SCAF8: variants seen among roughly 807,000 people sequenced by gnomAD.
SCAF8 encodes SR-related and CTD-associated factor 8.
In SCAF8, 23 loss-of-function variants were observed where a neutral mutation model predicts 140.5. That is an observed-to-expected ratio of 0.16 (90% CI 0.12 to 0.23). The LOEUF (loss-of-function observed/expected upper bound fraction) is 0.23, where lower values mean the gene tolerates loss of function less well. Among genes scored for constraint, SCAF8 ranks in the 10% least tolerant of loss-of-function variants. The pLI, the probability that SCAF8 is intolerant of heterozygous loss-of-function variation, is 1.00. For missense variants in SCAF8, 1,397 were observed against 1,555.7 expected (o/e 0.90, Z 1.72); for synonymous variants, 575 against 528.9 (o/e 1.09, Z -1.20).
At position 154,826,913 on chromosome 6, in the gene SCAF8, T is replaced by C. The variant is rs939055909; in HGVS notation, c.2072-259T>C. ...ATTAATTTTTGATTTTACAGCACCA[T>C]AGAGCATGCTACGGGACTTGAATGA... On this transcript the variant is annotated intron_variant, in intron 17 of 19. Coordinates refer to ENST00000367178, the MANE Select transcript of SCAF8 (RefSeq NM_014892.5). 7.2e-5 allele frequency among the ~76,000 whole-genome samples: 11 copies of C among 152,276 alleles called. No homozygotes were observed. In the East Asian group the frequency reaches 1.7e-3, roughly 24 times the overall value.
chr6:154,787,354 C>T (rs976843081), intron 3 of SCAF8, among the ~76,000 whole-genome samples: 1 of 152,140 alleles, frequency 6.6e-6, no homozygotes. Flanking sequence ...GATAGATCCC[C>T]AGGATTATAG....
intron 17 of SCAF8, chr6:154,825,287 A>G (rs1375424953): frequency 6.6e-6 from 1 of 152,256 alleles, no homozygotes; most frequent in East Asian, 1.9e-4. Context: ...TACTGACCTA[A>G]TAAATTACTG....
chr6:154,796,353 TTCTCTCTCTCTC>T lies in SCAF8; in HGVS notation c.606+1242_606+1253del, dbSNP rs532893908. Among the ~76,000 whole-genome samples the T allele has an allele frequency of 4.7e-4, 35 of 75,252 alleles. 1 individual carries two copies. The East Asian group carries it at 0.022, about 48-fold the overall frequency. The allele number at this position is 75,252 out of a possible 152,430, so 49.4% of individuals were successfully genotyped here. ...ATAATGATTCAGCATTGCAATCCTG[TTCTCTCTCTCTC>T]TCTCTCTCTCTCTCTCTCTCTCTCT... On this transcript the variant is annotated intron_variant, in intron 6 of 19. Coordinates refer to ENST00000367178, the MANE Select transcript of SCAF8 (RefSeq NM_014892.5).
At chr6:154,815,905 A>G (rs1778234436) in intron 13 of SCAF8, 89 bp downstream of exon 13, 1 of 677,372 alleles carries the variant, frequency 1.5e-6, no homozygotes, top group South Asian at 1.8e-5. Context: ...TTAGCCCAGT[A>G]ATGTCTGCCT....
At chr6:154,741,761 A>G (rs556199387) in intron 1 of SCAF8, among the ~76,000 whole-genome samples, 1 of 152,276 alleles carries the variant, frequency 6.6e-6, no homozygotes, top group East Asian at 1.9e-4. Context: ...TGATAGTATT[A>G]CTAGTTGTAT....
At chr6:154,797,416 G>A (rs1267482099) in intron 6 of SCAF8, among the ~76,000 whole-genome samples, 1 of 150,008 alleles carries the variant, frequency 6.7e-6, no homozygotes, top group Non-Finnish European at 1.5e-5. Flanking sequence ...TTTCTTTTGA[G>A]ACGGAGTCTC....
chr6:154,833,425 T>G lies in SCAF8; in HGVS notation c.*30T>G. 1 of 1,587,384 alleles carries G rather than the reference T, an allele frequency of 6.3e-7. No individual in the cohort carries two copies. Among genetic ancestry groups the G allele is most frequent in the Non-Finnish European group, 8.6e-7 (1 of 1,168,644 alleles). On this transcript the variant is annotated 3_prime_UTR_variant, in exon 20 of 20. Coordinates refer to ENST00000367178, the MANE Select transcript of SCAF8 (RefSeq NM_014892.5). ...CACTCAGTAGGTAAAAGATACCTTT[T>G]GTAAAGTTGTCATCTCTCTGTAATA...
rs1554261842 is a variant in SCAF8, at chr6:154,796,389, C to CTCTG, written c.606+1254_606+1257dup. On this transcript the variant is annotated intron_variant, in intron 6 of 19. Transcript: ENST00000367178. ...TCTCTCTCTCTCTCTCTCTCTCTCT[C>CTCTG]TCTGTCTCTCTCTTTTTCTGACCCT... 3.8e-3 allele frequency among the ~76,000 whole-genome samples: 543 copies of CTCTG among 141,042 alleles called. 9 individuals carry two copies. Among genetic ancestry groups the CTCTG allele is most frequent in the African/African-American group, 0.014 (515 of 36,368 alleles). The allele number at this position is 141,042 out of a possible 152,430, so 92.5% of individuals were successfully genotyped here.
At chr6:154,779,882 T>C (rs1222080908) in intron 3 of SCAF8, among the ~76,000 whole-genome samples, 4 of 152,012 alleles carry the variant, frequency 2.6e-5, no homozygotes, top group Non-Finnish European at 5.9e-5. Context: ...AGAGATCCCA[T>C]GTGCCCCTCA....
chr6:154,740,625 CTTTT>C (rs66980794), intron 1 of SCAF8, among the ~76,000 whole-genome samples: 1 of 138,518 alleles, frequency 7.2e-6, no homozygotes, highest in African/African-American at 2.7e-5. Flanking sequence ...TTTTCTTTTT[CTTTT>C]TTTTTTTTTT....
chr6:154,816,820 A>G (rs1324052412), intron 13 of SCAF8, among the ~76,000 whole-genome samples: 1 of 152,212 alleles, frequency 6.6e-6, no homozygotes, highest in African/African-American at 2.4e-5. Context: ...ACCATTTTGC[A>G]TCTTACTTTT....
chr6:154,801,257 A>G (rs72993450), intron 6 of SCAF8, among the ~76,000 whole-genome samples: 2,594 of 151,590 alleles, frequency 0.017, 76 homozygotes, highest in Non-Finnish European at 0.024. Flanking sequence ...GTGTCCTTTC[A>G]TCCTAGAAGT....
intron 13 of SCAF8, among the ~76,000 whole-genome samples, chr6:154,818,186 TTC>T (rs1305802647): frequency 6.6e-6 from 1 of 152,248 alleles, no homozygotes; most frequent in African/African-American, 2.4e-5. Context: ...TTTTTAATAG[TTC>T]TTTTTCTGTA....
chr6:154,788,337 T>C (rs1777314533), intron 4 of SCAF8, among the ~76,000 whole-genome samples: 1 of 152,208 alleles, frequency 6.6e-6, no homozygotes, highest in South Asian at 2.1e-4. Context: ...CTATACCGTC[T>C]AGGTTTGTGT....
intron 8 of SCAF8, among the ~76,000 whole-genome samples, chr6:154,804,052 A>T (rs1777843901): frequency 6.6e-6 from 1 of 152,028 alleles, no homozygotes; most frequent in Admixed American, 6.6e-5. Context: ...TTTTTTGTAA[A>T]GAAATGTGTT....
At chr6:154,746,912 C>G (rs1165900156) in intron 1 of SCAF8, among the ~76,000 whole-genome samples, 1 of 152,058 alleles carries the variant, frequency 6.6e-6, no homozygotes, top group Non-Finnish European at 1.5e-5. Flanking sequence ...TAATCATTTA[C>G]TTTTCCTAGC....
At chr6:154,737,481 G>A (rs1198827818) in intron 1 of SCAF8, among the ~76,000 whole-genome samples, 3 of 152,082 alleles carry the variant, frequency 2.0e-5, no homozygotes, top group Non-Finnish European at 4.4e-5. Flanking sequence ...TTCCATGCTA[G>A]CCTGGCCAGC....
intron 12 of SCAF8, among the ~76,000 whole-genome samples, chr6:154,815,172 C>T (rs1778210915): frequency 6.6e-6 from 1 of 152,162 alleles, no homozygotes; most frequent in South Asian, 2.1e-4. Context: ...TGGCGGGCGC[C>T]TGTAGTCCTA....
intron 7 of SCAF8, among the ~76,000 whole-genome samples, chr6:154,802,924 A>G (rs1777810926): frequency 6.6e-6 from 1 of 152,228 alleles, no homozygotes; most frequent in Admixed American, 6.5e-5. Context: ...AAGTGTTTCT[A>G]AAACTTAAAA....
Sources: allele counts gnomAD v4.1 joint callset (sites outside exome capture counted in the v4.1 genomes callset), GRCh38; gene constraint gnomAD v4.1.1; transcripts MANE v1.5; gene names NCBI Gene and HGNC (gene_info 2026-07-23, HGNC 2026-07-21).